The following STIM2 variants were observed in gnomAD, a reference collection of about 807,000 sequenced individuals.
The protein encoded by STIM2 is stromal interaction molecule 2.
In STIM2, 31 loss-of-function variants were observed where a neutral mutation model predicts 85.8. The observed-to-expected ratio is 0.36, with a 90% CI of 0.27 to 0.49. The LOEUF is 0.49. STIM2 is among the 20% of genes least tolerant of loss of function. The probability of loss-of-function intolerance (pLI) is 0.98; values close to 1 mark genes in which losing one functional copy is unlikely to be tolerated. For missense variants in STIM2, 841 were observed against 927.6 expected, an observed-to-expected ratio of 0.91 and a Z score of 1.21; for synonymous variants, 356 against 331.1, an observed-to-expected ratio of 1.08 and a Z score of -0.82.
chr4:26,913,547 T>C (rs1724418464), intron 1 of STIM2, among the ~76,000 whole-genome samples: 1 of 152,226 alleles, frequency 6.6e-6, no homozygotes, highest in South Asian at 2.1e-4. Context: ...CTGAATAGTT[T>C]TAAGCAGAAG....
intron 2 of STIM2, among the ~76,000 whole-genome samples, chr4:26,950,178 A>T (rs1725992731): frequency 6.6e-6 from 1 of 152,202 alleles, no homozygotes; most frequent in Non-Finnish European, 1.5e-5. Flanking sequence ...AACCAGTGAC[A>T]GCTATTTCAT....
At chr4:27,013,474 A>G (rs183718421) in intron 10 of STIM2, among the ~76,000 whole-genome samples, 16 of 152,114 alleles carry the variant, frequency 1.1e-4, no homozygotes, top group South Asian at 2.1e-4. Flanking sequence ...TGCCAAGGAT[A>G]AGGGGGAATA....
chr4:26,918,657 G>A (rs1437380948), intron 1 of STIM2, among the ~76,000 whole-genome samples: 1 of 152,166 alleles, frequency 6.6e-6, no homozygotes, highest in African/African-American at 2.4e-5. Flanking sequence ...CAGCCAGACT[G>A]GGTATAAGTG....
intron 1 of STIM2, chr4:26,874,017 T>G: frequency 1.3e-6 from 1 of 752,900 alleles, no homozygotes; most frequent in Non-Finnish European, 2.4e-6. Flanking sequence ...TTCACCTGAG[T>G]CTCCACCAGC....
At chr4:26,909,427 A>G (rs1025067657) in intron 1 of STIM2, among the ~76,000 whole-genome samples, 4 of 152,200 alleles carry the variant, frequency 2.6e-5, no homozygotes, top group Non-Finnish European at 5.9e-5. Flanking sequence ...ATGAATTGAA[A>G]GTTCTTTTTT....
At chr4:26,908,645 G>A (rs1379355778) in intron 1 of STIM2, among the ~76,000 whole-genome samples, 1 of 152,068 alleles carries the variant, frequency 6.6e-6, no homozygotes, top group Non-Finnish European at 1.5e-5. Flanking sequence ...TACCACGCCC[G>A]GCTCATTTTT....
At position 26,873,737 on chromosome 4, in the gene STIM2, C is replaced by T; in HGVS notation, c.151+12368C>T. The T allele has an allele frequency of 3.4e-6, 3 of 881,856 alleles. No homozygotes were observed. In the South Asian group the frequency reaches 3.9e-5, roughly 12 times the overall value. 54.6% of individuals were successfully genotyped at this position (881,856 alleles called of 1,614,324 possible). A position where few individuals can be genotyped will look rare whatever the true frequency, so the allele number is the denominator to read the frequency against. The stretch of plus-strand genomic sequence containing the variant: ...TTCTGGAGATGCTGAATTTCTGCCT[C>T]CACAGGCTCTAGGTCACTGTCAGAC... On this transcript the variant is annotated intron_variant, in intron 1 of 11. Coordinates refer to ENST00000467087, the MANE Select transcript of STIM2 (RefSeq NM_020860.4).
chr4:27,007,759 G>A (rs770450363), intron 8 of STIM2, 59 bp downstream of exon 8: 2 of 1,451,968 alleles, frequency 1.4e-6, no homozygotes, highest in Non-Finnish European at 1.8e-6. Context: ...TTCTTAGAGG[G>A]ATTACTCAGC....
At chr4:26,987,351 G>T (rs1293047351) in intron 3 of STIM2, among the ~76,000 whole-genome samples, 1 of 152,168 alleles carries the variant, frequency 6.6e-6, no homozygotes. Flanking sequence ...GGGAAACTGG[G>T]TGCAGAATCA....
At chr4:26,973,786 A>G (rs1727071255) in intron 3 of STIM2, among the ~76,000 whole-genome samples, 1 of 152,088 alleles carries the variant, frequency 6.6e-6, no homozygotes, top group African/African-American at 2.4e-5. Context: ...CAAGTCCTGG[A>G]TATCCTTGTT....
At chr4:26,964,776 C>G (rs1428248504) in intron 3 of STIM2, among the ~76,000 whole-genome samples, 1 of 152,088 alleles carries the variant, frequency 6.6e-6, no homozygotes, top group Non-Finnish European at 1.5e-5. Context: ...GGAGAAAGAT[C>G]TTTTAACAAG....
intron 3 of STIM2, among the ~76,000 whole-genome samples, chr4:26,970,225 A>ATG (rs1212136766): frequency 1.0e-4 from 8 of 80,324 alleles, no homozygotes; most frequent in African/African-American, 3.6e-4. Context: ...ATATATATGT[A>ATG]TATATATATA....
At chr4:26,919,021 CTA>C (rs890942942) in intron 1 of STIM2, among the ~76,000 whole-genome samples, 5 of 151,900 alleles carry the variant, frequency 3.3e-5, no homozygotes, top group African/African-American at 9.7e-5. Context: ...GGTCATGTGA[CTA>C]TTTTACATTT....
intron 3 of STIM2, among the ~76,000 whole-genome samples, chr4:26,974,350 A>T (rs1727097757): frequency 6.6e-6 from 1 of 152,168 alleles, no homozygotes. Flanking sequence ...ACAATTTGGC[A>T]TGTTTTTGCA....
At chr4:26,885,206 G>C (rs1315926859) in intron 1 of STIM2, among the ~76,000 whole-genome samples, 1 of 152,012 alleles carries the variant, frequency 6.6e-6, no homozygotes, top group African/African-American at 2.4e-5. Flanking sequence ...TTTTCCAAAA[G>C]CTTTTTACTT....
At position 26,909,162 on chromosome 4, in the gene STIM2, G is replaced by A. The variant is rs560347501; in HGVS notation, c.152-10342G>A. 1.4e-4 allele frequency among the ~76,000 whole-genome samples: 21 copies of A among 152,294 alleles called. No homozygotes were observed. The South Asian group carries it at 2.7e-3, about 20-fold the overall frequency. ...CTAGACTTAGATTTCAGGAGACTTAGCATTGAATTCCGACTGTGTCGTTTA... is the reference window on the plus strand; with the variant it reads ...CTAGACTTAGATTTCAGGAGACTTAACATTGAATTCCGACTGTGTCGTTTA... On this transcript the variant is annotated intron_variant, in intron 1 of 11. Coordinates refer to ENST00000467087, the MANE Select transcript of STIM2 (RefSeq NM_020860.4).
intron 1 of STIM2, among the ~76,000 whole-genome samples, chr4:26,881,329 G>C (rs1308925531): frequency 6.6e-5 from 10 of 152,098 alleles, no homozygotes; most frequent in Non-Finnish European, 1.2e-4. Flanking sequence ...AGCCCGGTGT[G>C]GTGGTGCATG....
chr4:26,972,635 G>A lies in STIM2; in HGVS notation c.397+14909G>A, dbSNP rs535639847. On this transcript the variant is annotated intron_variant, in intron 3 of 11. Transcript: ENST00000467087. ...AGCTTTTTGATGTGCTGCTGGATTCGGTTTGCCAGTATTTTATTGAGGATT... is the reference window on the plus strand; with the variant it reads ...AGCTTTTTGATGTGCTGCTGGATTCAGTTTGCCAGTATTTTATTGAGGATT... Among the ~76,000 whole-genome samples, 13 of 152,264 alleles carry A rather than the reference G, an allele frequency of 8.5e-5. No homozygotes were observed. The East Asian group carries it at 9.7e-4, about 11-fold the overall frequency.
At chr4:26,901,657 T>G (rs1218510924) in intron 1 of STIM2, among the ~76,000 whole-genome samples, 3 of 152,210 alleles carry the variant, frequency 2.0e-5, no homozygotes, top group Non-Finnish European at 4.4e-5. Context: ...TTTTTAAAAT[T>G]TATTCACAGG....
Sources: allele counts gnomAD v4.1 joint callset (sites outside exome capture counted in the v4.1 genomes callset), GRCh38; gene constraint gnomAD v4.1.1; transcripts MANE v1.5; gene names NCBI Gene and HGNC (gene_info 2026-07-23, HGNC 2026-07-21).